Variants in SH3PXD2A observed in about 807,000 individuals in gnomAD.
SH3PXD2A encodes the protein SH3 and PX domains 2A, also known as SH3 and PX domain-containing protein 2A.
SH3PXD2A carries 32 observed loss-of-function variants against 115.2 expected under a neutral mutation model. The observed-to-expected ratio is 0.28, with a 90% CI of 0.21 to 0.37. The LOEUF is 0.37. SH3PXD2A is among the 10% of genes least tolerant of loss of function. SH3PXD2A has a pLI of 1.00. For synonymous variants in SH3PXD2A, 610 were observed against 629.1 expected (o/e 0.97, Z 0.45); for missense variants, 1,328 against 1,498.7 (o/e 0.89, Z 1.88).
At chr10:103,815,391 GTATATATTATACAC>G (rs1004153296) in intron 1 of SH3PXD2A, among the ~76,000 whole-genome samples, 3 of 148,784 alleles carry the variant, frequency 2.0e-5, no homozygotes, top group Non-Finnish European at 4.4e-5. Flanking sequence ...TATATACAGT[GTATATATTATACAC>G]TATATGTATT....
At position 103,601,874 on chromosome 10, in the gene SH3PXD2A, T is replaced by G; in HGVS notation, c.3344A>C (p.Asp1115Ala). 1 of 1,613,694 alleles carries G rather than the reference T, an allele frequency of 6.2e-7. No homozygotes were observed. The highest frequency in any genetic ancestry group is 8.5e-7 in the Non-Finnish European group (1 of 1,179,840). The change falls in exon 15 of 15, where the codon GAT becomes GCT. Residue 1115 changes from aspartate to alanine, a missense_variant. Physicochemically the swap from Asp to Ala is moderately radical, Grantham distance 126. Around this residue, in one of 5 missense-constraint regions of SH3PXD2A, gnomAD observed 45 missense variants for 73.6 expected, o/e 0.61. Coordinates refer to ENST00000369774, the MANE Select transcript of SH3PXD2A (RefSeq NM_001394015.1). ...CCAGCCTTTGAAGGGCTTCACACCA[T>G]CCAGGATCTGGCAGTACCACCAGCC... is the stretch of plus-strand genomic sequence containing the variant. ...PNGWWYCQILDGVKPFKGWVP... is the reference protein window; with the variant it reads ...PNGWWYCQILAGVKPFKGWVP...
rs1037193956 is a variant in SH3PXD2A, at chr10:103,636,617, T to C, written c.605-9415A>G. ...AGGCCACTGCTGTCCCCAGGGTGAC[T>C]AGGCCACAATGGCCTCCTTAAGGAG... is the stretch of plus-strand genomic sequence containing the variant. On this transcript the variant is annotated intron_variant, in intron 8 of 14. Coordinates refer to ENST00000369774, the MANE Select transcript of SH3PXD2A (RefSeq NM_001394015.1). Among the ~76,000 whole-genome samples the C allele has an allele frequency of 2.0e-5, 3 of 152,076 alleles. No individual in the cohort carries two copies. In the East Asian group the frequency reaches 5.8e-4, roughly 29 times the overall value.
chr10:103,780,707 C>T (rs1403508695), intron 2 of SH3PXD2A, among the ~76,000 whole-genome samples: 2 of 152,208 alleles, frequency 1.3e-5, no homozygotes, highest in African/African-American at 4.8e-5. Flanking sequence ...AGAGTCACCT[C>T]CCCACTGCCA....
intron 8 of SH3PXD2A, among the ~76,000 whole-genome samples, chr10:103,651,842 T>C (rs1444213204): frequency 6.6e-6 from 1 of 152,180 alleles, no homozygotes; most frequent in Non-Finnish European, 1.5e-5. Flanking sequence ...GGCAGGAGTG[T>C]GGAAGAACAG....
At chr10:103,629,285 C>A (rs2036743750) in intron 8 of SH3PXD2A, among the ~76,000 whole-genome samples, 2 of 152,200 alleles carry the variant, frequency 1.3e-5, no homozygotes, top group African/African-American at 4.8e-5. Flanking sequence ...TGCTGGAACC[C>A]ACTAGTTGGG....
At chr10:103,785,131 C>T (rs1200337171) in intron 2 of SH3PXD2A, among the ~76,000 whole-genome samples, 4 of 152,176 alleles carry the variant, frequency 2.6e-5, no homozygotes, top group Admixed American at 6.5e-5. Flanking sequence ...GCCAGCAAAG[C>T]CCTGCCCCAA....
intron 8 of SH3PXD2A, among the ~76,000 whole-genome samples, chr10:103,632,844 T>C (rs1232856398): frequency 2.6e-5 from 1 of 38,492 alleles, no homozygotes; most frequent in Non-Finnish European, 4.2e-5. Flanking sequence ...CATGGTGATG[T>C]GTGCCTGTAG....
chr10:103,756,677 C>T lies in SH3PXD2A; in HGVS notation c.229+10417G>A, dbSNP rs1325023592. ...TGGGGAGTGGTGGTGAGGTGAAACA[C>T]TCCTTCTGCCATCTTGGCCAGGGCT... On this transcript the variant is annotated intron_variant, in intron 3 of 14. Coordinates refer to ENST00000369774, the MANE Select transcript of SH3PXD2A (RefSeq NM_001394015.1). The surrounding 1 kb of genome is among the most constrained non-coding windows in gnomAD (Gnocchi z 4.4). Among the ~76,000 whole-genome samples, 1 of 152,188 alleles carries T rather than the reference C, an allele frequency of 6.6e-6. No individual in the cohort carries two copies. The highest frequency in any genetic ancestry group is 1.9e-4 in the East Asian group (1 of 5,192).
chr10:103,615,129 AG>A (rs146765234), intron 11 of SH3PXD2A, among the ~76,000 whole-genome samples: 164 of 152,370 alleles, frequency 1.1e-3, no homozygotes, highest in Non-Finnish European at 2.0e-3. Context: ...GGGGTCACAC[AG>A]TGAGCGCTTA....
intron 8 of SH3PXD2A, among the ~76,000 whole-genome samples, chr10:103,657,844 C>T (rs1349918651): frequency 6.6e-6 from 1 of 152,218 alleles, no homozygotes; most frequent in Non-Finnish European, 1.5e-5. Context: ...CCAGGGAGCT[C>T]TACAGCCATC....
rs199599121 is a variant in SH3PXD2A at position 103,602,056 on chromosome 10, G to T, written c.3162C>A (p.Pro1054=). ...TGGGCTTGGGGCGCACAGGGGACACGGGTATGCTGTTGCGCTGGGCGGGCA... is the reference window on the plus strand; with the variant it reads ...TGGGCTTGGGGCGCACAGGGGACACTGGTATGCTGTTGCGCTGGGCGGGCA... The part of the protein sequence containing the change: ...PLLPAQRNSI[P]VSPVRPKPIE... Residue 1054 remains proline (P), a synonymous_variant, in exon 15 of 15, where the codon CCC becomes CCA. Coordinates refer to ENST00000369774, the MANE Select transcript of SH3PXD2A (RefSeq NM_001394015.1). The T allele has an allele frequency of 3.7e-6, 6 of 1,607,826 alleles. 1 individual carries two copies. In the Middle Eastern group the frequency reaches 1.0e-3, roughly 267 times the overall value.
intron 8 of SH3PXD2A, among the ~76,000 whole-genome samples, chr10:103,637,143 T>C (rs1447471565): frequency 2.0e-5 from 3 of 152,224 alleles, no homozygotes; most frequent in African/African-American, 7.2e-5. Context: ...ACTCATGCTC[T>C]ACTCCCCCAT....
intron 6 of SH3PXD2A, among the ~76,000 whole-genome samples, chr10:103,668,954 C>A (rs2295589): frequency 2.0e-5 from 3 of 152,240 alleles, no homozygotes; most frequent in African/African-American, 7.2e-5. Flanking sequence ...GAACGGGGCC[C>A]GTGGTTATCA....
chr10:103,656,744 G>A (rs143421582), intron 8 of SH3PXD2A, among the ~76,000 whole-genome samples: 2 of 149,114 alleles, frequency 1.3e-5, no homozygotes, highest in Non-Finnish European at 3.0e-5. Flanking sequence ...CAGGAGAATC[G>A]CTTGACCCAG....
chr10:103,655,195 G>T (rs753556042), intron 8 of SH3PXD2A, among the ~76,000 whole-genome samples: 1 of 152,196 alleles, frequency 6.6e-6, no homozygotes, highest in Non-Finnish European at 1.5e-5. Context: ...ACAGGACCTC[G>T]TGGGGCCAGG....
chr10:103,722,526 T>C (rs2038194427), intron 5 of SH3PXD2A, among the ~76,000 whole-genome samples: 1 of 152,042 alleles, frequency 6.6e-6, no homozygotes, highest in East Asian at 1.9e-4. Flanking sequence ...GGTCTTGAAC[T>C]CTTGGGCTCA....
intron 1 of SH3PXD2A, among the ~76,000 whole-genome samples, chr10:103,844,346 C>T (rs1052676205): frequency 5.9e-5 from 9 of 152,212 alleles, no homozygotes; most frequent in African/African-American, 2.2e-4. Context: ...CATGCCAGGC[C>T]GGCCAGGCCT....
At chr10:103,722,573 A>G (rs1050248682) in intron 5 of SH3PXD2A, among the ~76,000 whole-genome samples, 1 of 148,014 alleles carries the variant, frequency 6.8e-6, no homozygotes, top group Non-Finnish European at 1.5e-5. Flanking sequence ...AAGTGCTGGG[A>G]TTACAGGTGT....
chr10:103,771,610 G>C (rs1035219964), intron 2 of SH3PXD2A, among the ~76,000 whole-genome samples: 6 of 152,060 alleles, frequency 3.9e-5, no homozygotes, highest in African/African-American at 1.4e-4. Context: ...AGGTGGGCAT[G>C]GTGGTGCACA....
Sources: allele counts gnomAD v4.1 joint callset (sites outside exome capture counted in the v4.1 genomes callset), GRCh38; gene constraint gnomAD v4.1.1; regional missense constraint gnomAD v4.1.1; non-coding constraint Gnocchi (gnomAD v3.1); transcripts MANE v1.5; gene names NCBI Gene and HGNC (gene_info 2026-07-23, HGNC 2026-07-21).